SRGAP3: variants seen among roughly 807,000 people sequenced by gnomAD.
SRGAP3 encodes SLIT-ROBO Rho GTPase-activating protein 3.
Under a neutral mutation model 121.1 loss-of-function variants are expected in SRGAP3, and 39 were observed. The ratio of observed to expected loss-of-function variants is 0.32; its 90% CI spans 0.25 to 0.42. The LOEUF is 0.42. SRGAP3 is among the 10% of genes least tolerant of loss of function. The pLI is 1.00. For synonymous variants in SRGAP3, 601 were observed against 570.0 expected, an observed-to-expected ratio of 1.05 and a Z score of -0.77; for missense variants, 1,213 against 1,470.6, an observed-to-expected ratio of 0.82 and a Z score of 2.86.
At chr3:9,008,395 A>G (rs1191065189) in intron 18 of SRGAP3, 1 of 152,262 alleles carries the variant, frequency 6.6e-6, no homozygotes, top group Non-Finnish European at 1.5e-5. Flanking sequence ...AGCCCCCAGG[A>G]AGGCAGGTGC....
intron 1 of SRGAP3, among the ~76,000 whole-genome samples, chr3:9,221,154 C>A (rs983345590): frequency 1.3e-5 from 2 of 152,210 alleles, no homozygotes; most frequent in Admixed American, 1.3e-4. Flanking sequence ...AACTTCCAGC[C>A]CCTCCTGGTA....
At chr3:9,177,425 C>T (rs976672658) in intron 1 of SRGAP3, among the ~76,000 whole-genome samples, 2 of 152,148 alleles carry the variant, frequency 1.3e-5, no homozygotes, top group Admixed American at 6.5e-5. Flanking sequence ...CAAGGAGCAG[C>T]GAGGAGGCCG....
At chr3:9,289,611 T>C (rs1391851879) in intron 3 of SRGAP3, among the ~76,000 whole-genome samples, 1 of 152,324 alleles carries the variant, frequency 6.6e-6, no homozygotes, top group Non-Finnish European at 1.5e-5. Flanking sequence ...CCAGCCCCGA[T>C]GTTCAAGACA....
intron 3 of SRGAP3, among the ~76,000 whole-genome samples, chr3:9,312,780 T>C (rs1190388153): frequency 2.6e-5 from 4 of 152,216 alleles, no homozygotes; most frequent in Non-Finnish European, 4.4e-5. Context: ...AGGCTGGAAG[T>C]TGGAGACCAG....
At chr3:9,050,563 T>C (rs570505994) in intron 9 of SRGAP3, among the ~76,000 whole-genome samples, 3 of 152,342 alleles carry the variant, frequency 2.0e-5, no homozygotes, top group South Asian at 4.1e-4. Flanking sequence ...TAATGAGTCA[T>C]GAGAAGGTAT....
At chr3:9,136,273 C>T (rs1949644885) in intron 1 of SRGAP3, among the ~76,000 whole-genome samples, 1 of 152,182 alleles carries the variant, frequency 6.6e-6, no homozygotes, top group Non-Finnish European at 1.5e-5. Flanking sequence ...CACCGAGAGG[C>T]GGCTTCCGGG....
At chr3:9,186,183 G>A (rs111552902) in intron 1 of SRGAP3, among the ~76,000 whole-genome samples, 5,636 of 152,236 alleles carry the variant, frequency 0.037, 148 homozygotes, top group Middle Eastern at 0.095. Context: ...CTTTGAACCT[G>A]GAGTCTTGTG....
At chr3:9,205,842 C>T (rs1952247730) in intron 1 of SRGAP3, among the ~76,000 whole-genome samples, 1 of 152,272 alleles carries the variant, frequency 6.6e-6, no homozygotes, top group African/African-American at 2.4e-5. Context: ...GGATGAACCT[C>T]GAGGACATTA....
intron 3 of SRGAP3, among the ~76,000 whole-genome samples, chr3:9,290,045 G>A (rs1451181145): frequency 2.0e-5 from 3 of 151,970 alleles, no homozygotes; most frequent in African/African-American, 7.3e-5. Context: ...CAGGAGGCAG[G>A]GGTTGCAGCG....
intron 18 of SRGAP3, among the ~76,000 whole-genome samples, chr3:8,995,494 T>C (rs557215075): frequency 6.6e-6 from 1 of 152,178 alleles, no homozygotes; most frequent in Non-Finnish European, 1.5e-5. Context: ...CAAACAAAAG[T>C]TCTTGTACAA....
At chr3:9,338,802 C>T (rs1482625537) in intron 1 of SRGAP3, among the ~76,000 whole-genome samples, 1 of 152,196 alleles carries the variant, frequency 6.6e-6, no homozygotes, top group Non-Finnish European at 1.5e-5. Context: ...ATTTACAGAA[C>T]ACAAGTCAAC....
chr3:9,111,863 C>T (rs1256895409), intron 2 of SRGAP3, among the ~76,000 whole-genome samples: 1 of 152,228 alleles, frequency 6.6e-6, no homozygotes, highest in Non-Finnish European at 1.5e-5. Context: ...CAAGCGTCGA[C>T]CCAGCAAGCA....
At chr3:9,028,233 C>T in intron 12 of SRGAP3, 1 of 1,514,378 alleles carries the variant, frequency 6.6e-7, no homozygotes, top group Non-Finnish European at 9.1e-7. Flanking sequence ...TCCGTGAACG[C>T]CGAAATGCAA....
upstream of SRGAP3, among the ~76,000 whole-genome samples, chr3:9,252,148 G>A (rs1954031928): frequency 6.6e-6 from 1 of 152,106 alleles, no homozygotes; most frequent in Non-Finnish European, 1.5e-5. Context: ...TGAAGAGTCT[G>A]GGACCTCGCT....
At chr3:9,307,819 G>A (rs1955182452) in intron 3 of SRGAP3, among the ~76,000 whole-genome samples, 2 of 152,190 alleles carry the variant, frequency 1.3e-5, no homozygotes, top group Non-Finnish European at 2.9e-5. Context: ...CCATAAATGT[G>A]GGATTGAACA....
intron 1 of SRGAP3, among the ~76,000 whole-genome samples, chr3:9,189,796 T>C (rs1392545950): frequency 6.6e-6 from 1 of 152,174 alleles, no homozygotes; most frequent in Non-Finnish European, 1.5e-5. Flanking sequence ...AATTAAGGCC[T>C]TAAAGGAAGA....
Position 8,984,043 on chromosome 3 carries a change from G to C in SRGAP3, c.*1476C>G, listed in dbSNP as rs756960673. On this transcript the variant is annotated 3_prime_UTR_variant, in exon 22 of 22. Transcript: ENST00000383836. ...TCATCTCTGGAAGTGATCAGAAGAG[G>C]AGGTAAAATGGAATCGAAGGAGAGC... is the stretch of plus-strand genomic sequence containing the variant. 4 of 231,860 alleles carry C rather than the reference G, an allele frequency of 1.7e-5. No individual in the cohort carries two copies. The highest frequency in any genetic ancestry group is 1.7e-5 in the Non-Finnish European group (2 of 117,170). 14.4% of individuals were successfully genotyped at this position (231,860 alleles called of 1,614,324 possible).
chr3:9,078,462 C>T (rs892754195), intron 4 of SRGAP3, among the ~76,000 whole-genome samples: 2 of 152,234 alleles, frequency 1.3e-5, no homozygotes, highest in South Asian at 4.2e-4. Flanking sequence ...CCCTTCCCCC[C>T]ACCGTGAGTA....
chr3:9,088,360 G>A (rs1393066168), intron 3 of SRGAP3, among the ~76,000 whole-genome samples: 1 of 152,152 alleles, frequency 6.6e-6, no homozygotes. Context: ...GCTCAAATAA[G>A]CCAGTAAAAT....
Sources: allele counts gnomAD v4.1 joint callset (sites outside exome capture counted in the v4.1 genomes callset), GRCh38; gene constraint gnomAD v4.1.1; transcripts MANE v1.5; gene names NCBI Gene and HGNC (gene_info 2026-07-23, HGNC 2026-07-21).